Variants in PTH2R observed in about 807,000 individuals in gnomAD.
The protein encoded by PTH2R is PTH2 receptor.
In PTH2R, 59 loss-of-function variants were observed where a neutral mutation model predicts 60.3. The observed-to-expected ratio is 0.98, with a 90% CI of 0.79 to 1.22. PTH2R has a LOEUF of 1.22. Ranked by LOEUF, PTH2R falls within the 50% of genes most tolerant of loss-of-function variation. The pLI is 0.00. For synonymous variants in PTH2R, 256 were observed against 243.8 expected, an observed-to-expected ratio of 1.05 and a Z score of -0.47; for missense variants, 749 against 682.6, an observed-to-expected ratio of 1.10 and a Z score of -1.08.
At chr2:208,490,839 A>C (rs554096728) in intron 12 of PTH2R, among the ~76,000 whole-genome samples, 159 bp downstream of exon 12, 1 of 152,270 alleles carries the variant, frequency 6.6e-6, no homozygotes, top group Non-Finnish European at 1.5e-5. Flanking sequence ...AGAAAGAATT[A>C]GTGCAAATAA....
At chr2:208,488,858 CAGAT>C (rs1703332519) in intron 10 of PTH2R, among the ~76,000 whole-genome samples, 150 bp from the exon 11 acceptor site, 1 of 152,140 alleles carries the variant, frequency 6.6e-6, no homozygotes, top group Non-Finnish European at 1.5e-5. Flanking sequence ...GCCTGGGAGA[CAGAT>C]AGAGTGAAAC....
intron 7 of PTH2R, among the ~76,000 whole-genome samples, chr2:208,448,837 A>G (rs1702342743): frequency 1.3e-5 from 2 of 151,946 alleles, no homozygotes; most frequent in South Asian, 4.2e-4. Context: ...ATCCCAAAGT[A>G]GTTTTCTGTT....
intron 1 of PTH2R, among the ~76,000 whole-genome samples, chr2:208,393,244 G>T (rs1701141929): frequency 1.3e-5 from 2 of 152,144 alleles, no homozygotes; most frequent in African/African-American, 4.8e-5. Flanking sequence ...TCTAATGTGG[G>T]GAGATGCCTG....
At chr2:208,460,061 T>C (rs1013311155) in intron 9 of PTH2R, 100 bp downstream of exon 9, 4 of 995,198 alleles carry the variant, frequency 4.0e-6, no homozygotes, top group Admixed American at 2.0e-5. Flanking sequence ...ACAACAGATC[T>C]GAGAAACTGA....
chr2:208,369,608 T>G (rs989813338), intron 1 of PTH2R, among the ~76,000 whole-genome samples: 1 of 152,010 alleles, frequency 6.6e-6, no homozygotes, highest in Non-Finnish European at 1.5e-5. Context: ...TCCGCCAGCC[T>G]CGGCCTCCCA....
At chr2:208,451,650 C>A (rs1702409416) in intron 8 of PTH2R, among the ~76,000 whole-genome samples, 1 of 152,018 alleles carries the variant, frequency 6.6e-6, no homozygotes, top group South Asian at 2.1e-4. Flanking sequence ...TTTCATGCAT[C>A]CCATTTGTTA....
At chr2:208,361,410 C>G (rs892686443) in intron 1 of PTH2R, 2 of 152,236 alleles carry the variant, frequency 1.3e-5, no homozygotes, top group Non-Finnish European at 2.9e-5. Flanking sequence ...ACCCCAGCTG[C>G]AGACTCTGGG....
chr2:208,462,927 G>A (rs1219038266), intron 9 of PTH2R, among the ~76,000 whole-genome samples: 5 of 152,214 alleles, frequency 3.3e-5, no homozygotes, highest in Non-Finnish European at 2.9e-5. Context: ...TGCAAGGGAT[G>A]ACAACCAAAG....
intron 1 of PTH2R, among the ~76,000 whole-genome samples, chr2:208,380,342 G>A (rs1195328295): frequency 1.3e-5 from 2 of 152,082 alleles, no homozygotes; most frequent in Non-Finnish European, 2.9e-5. Flanking sequence ...TGAATTAACA[G>A]TGATATTTAC....
chr2:208,457,446 G>A (rs766031329), intron 8 of PTH2R, among the ~76,000 whole-genome samples: 1 of 152,202 alleles, frequency 6.6e-6, no homozygotes, highest in African/African-American at 2.4e-5. Context: ...GTAGGTTCTG[G>A]TTGATTTGGC....
chr2:208,492,967 T>C (rs1703439645), intron 12 of PTH2R, among the ~76,000 whole-genome samples: 1 of 152,148 alleles, frequency 6.6e-6, no homozygotes, highest in African/African-American at 2.4e-5. Context: ...ATCTCCTTTT[T>C]TTCCTCTCCC....
chr2:208,477,368 C>T (rs781623211), intron 9 of PTH2R, among the ~76,000 whole-genome samples: 18 of 152,144 alleles, frequency 1.2e-4, no homozygotes, highest in African/African-American at 1.9e-4. Flanking sequence ...AACCAAGTCT[C>T]AGAGACAGGA....
In PTH2R at chr2:208,483,775, T is replaced by A. The variant is rs553421804; in HGVS notation, c.1076+2611T>A. 3.3e-5 allele frequency among the ~76,000 whole-genome samples: 5 copies of A among 152,322 alleles called. No homozygotes were observed. In the East Asian group the frequency reaches 9.6e-4, roughly 29 times the overall value. ...ACATTTTTTAATGGCTGAAACATAT[T>A]TAATATCCTTAATTATGTCCAAAGT... On this transcript the variant is annotated intron_variant, in intron 10 of 12. Coordinates refer to ENST00000272847, the MANE Select transcript of PTH2R (RefSeq NM_005048.4).
chr2:208,420,733 A>G (rs1327002962), intron 1 of PTH2R, among the ~76,000 whole-genome samples: 2 of 152,222 alleles, frequency 1.3e-5, no homozygotes, highest in African/African-American at 4.8e-5. Flanking sequence ...TTACTGTAGT[A>G]CAATATTACA....
intron 1 of PTH2R, among the ~76,000 whole-genome samples, chr2:208,374,655 A>G (rs1054789839): frequency 1.3e-5 from 2 of 151,832 alleles, no homozygotes; most frequent in African/African-American, 4.9e-5. Flanking sequence ...GGCACCCTCA[A>G]CCACGCCTGG....
chr2:208,401,763 T>G (rs114856589), intron 1 of PTH2R, among the ~76,000 whole-genome samples: 3,080 of 152,214 alleles, frequency 0.02, 113 homozygotes, highest in African/African-American at 0.069. Context: ...CTGGAAATCC[T>G]CTCTCACCAC....
chr2:208,422,504 G>T (rs1278221896), intron 1 of PTH2R, among the ~76,000 whole-genome samples: 1 of 152,030 alleles, frequency 6.6e-6, no homozygotes. Flanking sequence ...TCGTTAAGTA[G>T]ACTTCACTTT....
At chr2:208,383,094 C>G (rs1700945544) in intron 1 of PTH2R, among the ~76,000 whole-genome samples, 1 of 152,216 alleles carries the variant, frequency 6.6e-6, no homozygotes, top group Non-Finnish European at 1.5e-5. Context: ...TATACTAAGC[C>G]TTTTATATTA....
At chr2:208,359,943 C>T (rs1253482023) in exon 1 of PTH2R, 2 of 254,450 alleles carry the variant, frequency 7.9e-6, no homozygotes, top group African/African-American at 2.3e-5. Context: ...CGCCCAGTCA[C>T]TTCCTCCACG....
Sources: gnomAD v4.1 joint callset for allele counts (sites outside exome capture counted in the v4.1 genomes callset) on GRCh38, gnomAD v4.1.1 for gene constraint, MANE v1.5 for transcripts, NCBI Gene and HGNC (gene_info 2026-07-23, HGNC 2026-07-21) for gene names.